Variants in TENM3 observed in about 807,000 individuals in gnomAD.
The protein encoded by TENM3 is teneurin-3.
In TENM3, 63 loss-of-function variants were observed where a neutral mutation model predicts 255.1. The observed-to-expected ratio is 0.25, with a 90% confidence interval of 0.20 to 0.30. The LOEUF (loss-of-function observed/expected upper bound fraction) is 0.30, where lower values mean the gene tolerates loss of function less well. Ranked by LOEUF, TENM3 falls within the 10% of genes least tolerant of loss-of-function variation. The probability of loss-of-function intolerance (pLI) is 1.00; values close to 1 mark genes in which losing one functional copy is unlikely to be tolerated. For missense variants in TENM3, 2,929 were observed against 3,461.1 expected, an observed-to-expected ratio of 0.85 and a Z score of 3.86; for synonymous variants, 1,306 against 1,322.3, an observed-to-expected ratio of 0.99 and a Z score of 0.27.
the TENM3 span, among the ~76,000 whole-genome samples, chr4:181,505,545 A>C: frequency 6.6e-6 from 1 of 152,192 alleles, no homozygotes; most frequent in South Asian, 2.1e-4. Flanking sequence ...CCGCAGCATT[A>C]TTTTCTTTTT....
chr4:182,264,042 C>T (rs1325433600), intron 1 of TENM3, among the ~76,000 whole-genome samples: 3 of 152,158 alleles, frequency 2.0e-5, no homozygotes, highest in Non-Finnish European at 2.9e-5. Flanking sequence ...CCTGGCTTGC[C>T]GGCAAAGGGT....
chr4:181,588,220 C>G, the TENM3 span, among the ~76,000 whole-genome samples: 3 of 152,198 alleles, frequency 2.0e-5, no homozygotes, highest in African/African-American at 7.2e-5. Flanking sequence ...CAGAACACAC[C>G]AGGAAGGCAA....
At chr4:181,943,982 A>C in the TENM3 span, among the ~76,000 whole-genome samples, 3 of 152,160 alleles carry the variant, frequency 2.0e-5, no homozygotes, top group Non-Finnish European at 4.4e-5. Context: ...TGTGTCTCTC[A>C]TGCTCACTAA....
chr4:182,688,467 C>T, intron 12 of TENM3, 116 bp downstream of exon 12: 1 of 800,234 alleles, frequency 1.2e-6, no homozygotes, highest in South Asian at 3.4e-5. Flanking sequence ...ACTTGTCTTT[C>T]TTAACACGAA....
At chr4:182,717,308 T>C (rs1292229212) in intron 13 of TENM3, among the ~76,000 whole-genome samples, 2 of 152,112 alleles carry the variant, frequency 1.3e-5, no homozygotes, top group Non-Finnish European at 2.9e-5. Context: ...GGGAATTCCT[T>C]ATGAGGAATA....
At chr4:182,117,117 A>G in the TENM3 span, among the ~76,000 whole-genome samples, 1 of 152,142 alleles carries the variant, frequency 6.6e-6, no homozygotes, top group Non-Finnish European at 1.5e-5. Flanking sequence ...TCTTTGGCCC[A>G]ATGCTTAATC....
chr4:181,501,746 C>G, the TENM3 span, among the ~76,000 whole-genome samples: 1 of 152,106 alleles, frequency 6.6e-6, no homozygotes, highest in South Asian at 2.1e-4. Flanking sequence ...GTTATGAGTT[C>G]AAAGGTGAAA....
At chr4:181,996,256 C>T in the TENM3 span, among the ~76,000 whole-genome samples, 1 of 151,798 alleles carries the variant, frequency 6.6e-6, no homozygotes, top group Admixed American at 6.6e-5. Flanking sequence ...CCAAGCTGTG[C>T]AGACAGTGAA....
chr4:182,355,744 G>A (rs891586850), intron 3 of TENM3, among the ~76,000 whole-genome samples: 2 of 152,096 alleles, frequency 1.3e-5, no homozygotes, highest in South Asian at 2.1e-4. Context: ...CATTTAAAGA[G>A]ACTGTCTTCC....
chr4:181,963,557 A>C, the TENM3 span, among the ~76,000 whole-genome samples: 1 of 152,246 alleles, frequency 6.6e-6, no homozygotes, highest in East Asian at 1.9e-4. Context: ...AAGAAAATAT[A>C]GTAATTTGAA....
intron 3 of TENM3, among the ~76,000 whole-genome samples, chr4:182,522,396 T>A (rs1198382128): frequency 1.3e-5 from 2 of 152,162 alleles, no homozygotes; most frequent in Non-Finnish European, 2.9e-5. Context: ...CTCCATGAGA[T>A]CCACTTTTCT....
At chr4:181,941,322 T>TTTA in the TENM3 span, among the ~76,000 whole-genome samples, 1 of 152,010 alleles carries the variant, frequency 6.6e-6, no homozygotes, top group African/African-American at 2.4e-5. Context: ...TTTTTTTTTT[T>TTTA]TATAGCTATT....
At position 182,754,146 on chromosome 4, in the gene TENM3, C is replaced by T. The variant is rs1427525637; in HGVS notation, c.4018-239C>T. Among the ~76,000 whole-genome samples, 1 of 152,200 alleles carries T rather than the reference C, an allele frequency of 6.6e-6. No individual in the cohort carries two copies. Among genetic ancestry groups the T allele is most frequent in the South Asian group, 2.1e-4 (1 of 4,830 alleles). On this transcript the variant is annotated intron_variant, in intron 21 of 27. Transcript: ENST00000511685. This position sits in a 1 kb window ranked among gnomAD's most constrained non-coding sequence, Gnocchi z 5.1. The stretch of plus-strand genomic sequence containing the variant: ...GACTCACTACGTAGAGGCCTATTTG[C>T]TATTTGCCTGTAACTAGCAAATCTT...
the TENM3 span, among the ~76,000 whole-genome samples, chr4:181,774,738 G>A: frequency 1.7e-5 from 1 of 59,786 alleles, no homozygotes; most frequent in Non-Finnish European, 3.2e-5. Flanking sequence ...ATCTCATAGT[G>A]GTTTTGATTT....
intron 1 of TENM3, among the ~76,000 whole-genome samples, chr4:182,308,209 C>T (rs1270094127): frequency 1.3e-5 from 2 of 152,236 alleles, no homozygotes; most frequent in African/African-American, 4.8e-5. Context: ...CCGCAAAGCA[C>T]AGGCTGGATT....
intron 3 of TENM3, among the ~76,000 whole-genome samples, chr4:182,398,018 A>G (rs899043072): frequency 3.9e-5 from 6 of 152,144 alleles, no homozygotes; most frequent in African/African-American, 1.4e-4. Flanking sequence ...ATTTAATATT[A>G]GAGAAGTACT....
chr4:182,510,535 A>G (rs1290997671), intron 3 of TENM3, among the ~76,000 whole-genome samples: 2 of 152,184 alleles, frequency 1.3e-5, no homozygotes, highest in African/African-American at 4.8e-5. Context: ...TGGCAATTCT[A>G]TGCTGTTAAG....
rs763777327 is a variant in TENM3, at chr4:182,601,138, C to G, written c.726C>G (p.Gly242=). The G allele has an allele frequency of 6.2e-7, 1 of 1,613,750 alleles. No homozygotes were observed. The highest frequency in any genetic ancestry group is 8.5e-7 in the Non-Finnish European group (1 of 1,179,778). Reference sequence around the variant, plus strand: ...AGCTGCAGGACAGCTGGGTCCTTGGCAGTAATGTACCACTGGAAAGCAGGT... The same window carrying G: ...AGCTGCAGGACAGCTGGGTCCTTGGGAGTAATGTACCACTGGAAAGCAGGT... ...SVQLQDSWVL[G]SNVPLESRHF... The change falls in exon 4 of 28, where the codon GGC becomes GGG. Residue 242 remains glycine, a synonymous_variant. Transcript: ENST00000511685.
the TENM3 span, among the ~76,000 whole-genome samples, chr4:181,483,428 C>A: frequency 9.2e-5 from 14 of 152,038 alleles, no homozygotes; most frequent in Non-Finnish European, 1.9e-4. Flanking sequence ...AAATCCGTAG[C>A]TTTAATAAAG....
Sources: allele counts gnomAD v4.1 joint callset (sites outside exome capture counted in the v4.1 genomes callset), GRCh38; gene constraint gnomAD v4.1.1; non-coding constraint Gnocchi (gnomAD v3.1); transcripts MANE v1.5; gene names NCBI Gene and HGNC (gene_info 2026-07-23, HGNC 2026-07-21).